Variants in IL1RAPL2 observed in about 807,000 individuals in gnomAD.
IL1RAPL2 encodes X-linked interleukin-1 receptor accessory protein-like 2.
A neutral mutation model predicts 44.1 loss-of-function variants in IL1RAPL2; 3 were observed. That is an observed-to-expected ratio of 0.07 (90% CI 0.03 to 0.18). The LOEUF is 0.18. IL1RAPL2 is among the 10% of genes least tolerant of loss of function. The pLI, the probability that IL1RAPL2 is intolerant of heterozygous loss-of-function variation, is 1.00. For missense variants in IL1RAPL2, 391 were observed against 496.4 expected (o/e 0.79, Z 2.02); for synonymous variants, 181 against 178.8 (o/e 1.01, Z -0.10).
chrX:105,497,144 A>G (rs2147780829), intron 6 of IL1RAPL2, among the ~76,000 whole-genome samples: 2 of 112,113 alleles, frequency 1.8e-5, no homozygotes, highest in East Asian at 5.6e-4. Context: ...CAAAATCACA[A>G]TAAAGTATCA....
chrX:104,922,276 CTGGCTGGGACAGCAAA>C (rs1173920823), intron 2 of IL1RAPL2, among the ~76,000 whole-genome samples: 2 of 113,308 alleles, frequency 1.8e-5, no homozygotes, highest in Admixed American at 1.8e-4. Context: ...TCGCCATCTA[CTGGCTGGGACAGCAAA>C]CTGCATGACC....
chrX:105,253,376 G>T (rs982799846), intron 4 of IL1RAPL2, among the ~76,000 whole-genome samples: 17 of 111,200 alleles, frequency 1.5e-4, no homozygotes, highest in African/African-American at 5.6e-4. Flanking sequence ...TTCTGTTGCA[G>T]TGTGTTGATT....
chrX:105,640,556 T>G (rs1421818106), intron 6 of IL1RAPL2, among the ~76,000 whole-genome samples: 2 of 104,687 alleles, frequency 1.9e-5, no homozygotes, highest in Non-Finnish European at 3.9e-5. Context: ...CCAAAAAGAC[T>G]GGGGTTGATT....
chrX:105,412,528 G>A (rs1022859516), intron 5 of IL1RAPL2, among the ~76,000 whole-genome samples: 5 of 109,877 alleles, frequency 4.6e-5, no homozygotes, highest in Non-Finnish European at 5.7e-5. Context: ...GTAGAACAAC[G>A]GTAATAAGGG....
At chrX:105,301,816 A>G (rs2034700040) in intron 5 of IL1RAPL2, among the ~76,000 whole-genome samples, 1 of 112,284 alleles carries the variant, frequency 8.9e-6, no homozygotes, top group Non-Finnish European at 1.9e-5. Flanking sequence ...GCTATCATGA[A>G]TAGCATTGCA....
intron 6 of IL1RAPL2, among the ~76,000 whole-genome samples, chrX:105,522,067 A>G (rs948353389): frequency 1.8e-5 from 2 of 112,090 alleles, no homozygotes; most frequent in African/African-American, 6.5e-5. Context: ...GCAGATGTCA[A>G]TAATTTGGTA....
chrX:105,052,664 G>T (rs1281423206), intron 2 of IL1RAPL2, among the ~76,000 whole-genome samples: 2 of 109,483 alleles, frequency 1.8e-5, no homozygotes, highest in Non-Finnish European at 3.8e-5. Context: ...TAAAACTCCT[G>T]CTCCTCTCAT....
At chrX:105,675,319 T>C (rs749631357) in intron 6 of IL1RAPL2, among the ~76,000 whole-genome samples, 1 of 111,513 alleles carries the variant, frequency 9.0e-6, no homozygotes, top group Non-Finnish European at 1.9e-5. Flanking sequence ...GCTCTTATGA[T>C]TTTGAAGTAT....
intron 2 of IL1RAPL2, among the ~76,000 whole-genome samples, chrX:105,155,572 T>C (rs1016248254): frequency 1.8e-5 from 2 of 110,812 alleles, no homozygotes; most frequent in African/African-American, 3.3e-5. Flanking sequence ...AGAAAATGGG[T>C]AGAGACATGA....
At chrX:105,731,191 A>G (rs1280237306) in intron 7 of IL1RAPL2, among the ~76,000 whole-genome samples, 1 of 111,630 alleles carries the variant, frequency 9.0e-6, no homozygotes, top group African/African-American at 3.2e-5. Flanking sequence ...AAAAGGACAC[A>G]TTACAACTGA....
At chrX:105,731,377 G>A (rs1034766524) in intron 7 of IL1RAPL2, among the ~76,000 whole-genome samples, 3 of 110,294 alleles carry the variant, frequency 2.7e-5, no homozygotes, top group African/African-American at 9.9e-5. Flanking sequence ...AATCAGTAAC[G>A]TCTCCCAACA....
intron 6 of IL1RAPL2, among the ~76,000 whole-genome samples, chrX:105,667,776 G>A (rs1276882197): frequency 9.0e-6 from 1 of 111,340 alleles, no homozygotes; most frequent in East Asian, 2.8e-4. Flanking sequence ...ATGGATAGAA[G>A]GGGAAGATTC....
chrX:104,664,314 C>G (rs1930451924), intron 2 of IL1RAPL2, among the ~76,000 whole-genome samples: 1 of 111,190 alleles, frequency 9.0e-6, no homozygotes, highest in Non-Finnish European at 1.9e-5. Context: ...CTCATGGGCT[C>G]CCCTCTGGGA....
intron 2 of IL1RAPL2, among the ~76,000 whole-genome samples, chrX:104,927,503 T>A (rs979987673): frequency 2.7e-5 from 3 of 111,754 alleles, no homozygotes; most frequent in East Asian, 2.8e-4. Context: ...GTTGAAGGAA[T>A]GAATGGAGTT....
chrX:104,714,315 C>A (rs374200276), intron 2 of IL1RAPL2, among the ~76,000 whole-genome samples: 4 of 110,969 alleles, frequency 3.6e-5, no homozygotes, highest in African/African-American at 1.3e-4. Context: ...GGCTCTGTGT[C>A]CCCACACAAA....
chrX:105,449,903 A>G (rs1282406765), intron 5 of IL1RAPL2, among the ~76,000 whole-genome samples: 4 of 111,911 alleles, frequency 3.6e-5, no homozygotes, highest in Middle Eastern at 4.6e-3. Flanking sequence ...TATGGCCATC[A>G]CCACTGGGAT....
At chrX:105,209,245 TA>T (rs1416147004) in intron 3 of IL1RAPL2, among the ~76,000 whole-genome samples, 4 of 111,699 alleles carry the variant, frequency 3.6e-5, no homozygotes, top group African/African-American at 9.8e-5. Context: ...GAAACAAAGA[TA>T]AAAAAAATCA....
At chrX:105,173,668 C>T (rs1041463778) in intron 2 of IL1RAPL2, among the ~76,000 whole-genome samples, 1 of 111,035 alleles carries the variant, frequency 9.0e-6, no homozygotes, top group African/African-American at 3.3e-5. Flanking sequence ...CTCACCCAGC[C>T]GTCTGCTAGC....
chrX:104,967,896 A>G (rs988160279), intron 2 of IL1RAPL2, among the ~76,000 whole-genome samples: 1 of 110,831 alleles, frequency 9.0e-6, no homozygotes, highest in African/African-American at 3.3e-5. Context: ...AAGAAATTAA[A>G]TCTGCAGGAA....
Sources: allele counts gnomAD v4.1 joint callset (sites outside exome capture counted in the v4.1 genomes callset), GRCh38; gene constraint gnomAD v4.1.1; transcripts MANE v1.5; gene names NCBI Gene and HGNC (gene_info 2026-07-23, HGNC 2026-07-21).